Variants in TTC21B observed in about 807,000 individuals in gnomAD.
TTC21B encodes the protein tetratricopeptide repeat protein 21B.
A neutral mutation model predicts 175.1 loss-of-function variants in TTC21B; 127 were observed. That is an observed-to-expected ratio of 0.73 (90% CI 0.63 to 0.84). The LOEUF is 0.84. Among genes scored for constraint, TTC21B ranks in the 40% least tolerant of loss-of-function variants. The probability of loss-of-function intolerance (pLI) is 0.00; values close to 1 mark genes in which losing one functional copy is unlikely to be tolerated. For synonymous variants in TTC21B, 524 were observed against 524.5 expected (o/e 1.00, Z 0.01); for missense variants, 1,561 against 1,558.3 (o/e 1.00, Z -0.03).
At chr2:165,934,517 A>AAAAAAAAAAG (rs1553514802) in intron 6 of TTC21B, among the ~76,000 whole-genome samples, 16 of 116,578 alleles carry the variant, frequency 1.4e-4, no homozygotes, top group African/African-American at 4.8e-4. Flanking sequence ...AAAAAAAAAA[A>AAAAAAAAAAG]AAAAGAAAAG....
At chr2:165,928,246 T>C (rs1248852507) in intron 11 of TTC21B, among the ~76,000 whole-genome samples, 1 of 152,146 alleles carries the variant, frequency 6.6e-6, no homozygotes, top group Non-Finnish European at 1.5e-5. Context: ...AATTATGAGA[T>C]GAATCTGAAA....
chr2:165,943,446 T>G, intron 4 of TTC21B, 105 bp from the exon 5 acceptor site: 1 of 881,696 alleles, frequency 1.1e-6, no homozygotes, highest in Non-Finnish European at 1.8e-6. Flanking sequence ...CAAAAAGGAC[T>G]CTATCAAATA....
chr2:165,916,355 A>T (rs553465337), intron 14 of TTC21B, among the ~76,000 whole-genome samples: 1 of 152,356 alleles, frequency 6.6e-6, no homozygotes, highest in East Asian at 1.9e-4. Flanking sequence ...ATGAAAAATA[A>T]GTGATTAGCA....
intron 16 of TTC21B, among the ~76,000 whole-genome samples, chr2:165,913,188 C>T (rs1318620742): frequency 6.6e-6 from 1 of 151,872 alleles, no homozygotes; most frequent in Admixed American, 6.6e-5. Flanking sequence ...ACAGGCAGGG[C>T]TAATTTTTTG....
chr2:165,916,080 T>G (rs966116254), intron 14 of TTC21B, among the ~76,000 whole-genome samples: 4 of 152,150 alleles, frequency 2.6e-5, no homozygotes, highest in African/African-American at 9.7e-5. Context: ...CCCAGTAGTT[T>G]GAGACCATCC....
At chr2:165,949,274 A>T in intron 3 of TTC21B, 120 bp downstream of exon 3, 1 of 775,898 alleles carries the variant, frequency 1.3e-6, no homozygotes, top group Non-Finnish European at 2.2e-6. Context: ...ATATGTATAA[A>T]TTGTACCTAC....
At chr2:165,900,237 A>C (rs1236780658) in intron 20 of TTC21B, among the ~76,000 whole-genome samples, 1 of 152,130 alleles carries the variant, frequency 6.6e-6, no homozygotes, top group African/African-American at 2.4e-5. Context: ...GTAAAATAAA[A>C]AGCTTCAAGC....
rs1686794955 is a variant in TTC21B at position 165,929,274 on chromosome 2, A to G, written c.1247T>C (p.Ile416Thr). The change falls in exon 11 of 29, where the codon ATT becomes ACT. Residue 416 changes from isoleucine (I) to threonine (T), a missense_variant. Ile to Thr is a moderately conservative substitution (Grantham distance 89). Transcript: ENST00000243344. ...GTCCAGGACATCATTTAACAAATTA[A>G]TAACTTCTTCTTGTCGTTTATTTTT... ...MKKNKRQEEV[I>T]NLLNDVLDTH... The G allele has an allele frequency of 6.2e-7, 1 of 1,612,724 alleles. No individual in the cohort carries two copies. Among genetic ancestry groups the G allele is most frequent in the African/African-American group, 1.3e-5 (1 of 74,888 alleles).
At chr2:165,952,994 GA>G (rs1214655595) in intron 1 of TTC21B, among the ~76,000 whole-genome samples, 5 of 152,232 alleles carry the variant, frequency 3.3e-5, no homozygotes, top group Admixed American at 6.5e-5. Context: ...TGAGAAGGCA[GA>G]AACTGTTCAG....
At position 165,930,319 on chromosome 2, in the gene TTC21B, C is replaced by T. The variant is rs750750865; in HGVS notation, c.940G>A (p.Glu314Lys). 176 of 1,612,354 alleles carry T rather than the reference C, an allele frequency of 1.1e-4. No individual in the cohort carries two copies. The highest frequency in any genetic ancestry group is 1.5e-4 in the Non-Finnish European group (172 of 1,179,094). The change falls in exon 9 of 29, where the codon GAG becomes AAG. Residue 314 changes from glutamate (E) to lysine (K), a missense_variant. Physicochemically the swap from Glu to Lys is moderately conservative, Grantham distance 56 (BLOSUM62 1). Coordinates refer to ENST00000243344, the MANE Select transcript of TTC21B (RefSeq NM_024753.5). ...TGAGGGTTTAAACTAAAAGCTCTCT[C>T]AAGTAACGTTTGAATTTTTTGAAGA... Reference protein sequence around the residue: ...LILQKIQTLLERAFSLNPQQS... With the variant: ...LILQKIQTLLKRAFSLNPQQS...
intron 11 of TTC21B, among the ~76,000 whole-genome samples, chr2:165,926,666 G>A (rs1310792577): frequency 6.6e-6 from 1 of 152,016 alleles, no homozygotes; most frequent in Non-Finnish European, 1.5e-5. Context: ...GGAGATTAAC[G>A]TTTGAGTCAA....
intron 15 of TTC21B, 150 bp downstream of exon 15, chr2:165,915,051 T>G: frequency 1.5e-6 from 1 of 686,588 alleles, no homozygotes; most frequent in Admixed American, 2.3e-5. Flanking sequence ...TTAGAGTGAT[T>G]GCAGTTGGTG....
At chr2:165,943,453 A>T in intron 4 of TTC21B, 112 bp from the exon 5 acceptor site, 4 of 842,704 alleles carry the variant, frequency 4.7e-6, no homozygotes, top group Non-Finnish European at 7.5e-6. Context: ...GACTCTATCA[A>T]ATATGTTATG....
chr2:165,924,570 C>T lies in TTC21B; in HGVS notation c.1495G>A (p.Ala499Thr), dbSNP rs866222900. Residue 499 changes from alanine to threonine, a missense_variant, in exon 12 of 29, where the codon GCA (alanine) becomes ACA (threonine). Transcript: ENST00000243344. Reference protein sequence around the residue: ...PGLLQTVFLIAKVKYLSGDIE... With the variant: ...PGLLQTVFLITKVKYLSGDIE... Reference sequence around the variant, plus strand: ...CTACCTGACAAATATTTCACTTTTGCTATTAGGAAGACTGTTTGCAGAAGA... The same window carrying T: ...CTACCTGACAAATATTTCACTTTTGTTATTAGGAAGACTGTTTGCAGAAGA... 2.5e-6 allele frequency: 4 copies of T among 1,613,316 alleles called. No homozygotes were observed. The African/African-American group carries it at 5.3e-5, about 22-fold the overall frequency.
chr2:165,950,070 TAAAA>T (rs769740344), intron 1 of TTC21B, among the ~76,000 whole-genome samples: 1 of 128,918 alleles, frequency 7.8e-6, no homozygotes, highest in African/African-American at 3.0e-5. Context: ...AAACAGGAAC[TAAAA>T]AAAAAAAAAA....
intron 17 of TTC21B, among the ~76,000 whole-genome samples, chr2:165,912,256 A>G (rs1228401224): frequency 3.3e-5 from 5 of 152,224 alleles, no homozygotes; most frequent in African/African-American, 1.2e-4. Flanking sequence ...AAGAATAGCA[A>G]CTTTATGGTA....
Position 165,901,731 on chromosome 2 carries a change from T to C in TTC21B, c.2748A>G (p.Thr916=), listed in dbSNP as rs1353706754. Residue 916 remains threonine (T), a synonymous_variant, in exon 20 of 29, where the codon ACA becomes ACG. Transcript: ENST00000243344. ...TTATAAAGGTACTGACCTTATTATC[T>C]GTTTCGCAGTGAACCAGAGCCTCTC... ...FYREALVHCE[T]DNKIMLELAR... 1.9e-6 allele frequency: 3 copies of C among 1,613,796 alleles called. No homozygotes were observed. In the African/African-American group the frequency reaches 4.0e-5, roughly 22 times the overall value.
chr2:165,911,267 TATAAAA>T, intron 18 of TTC21B, 54 bp downstream of exon 18: 2 of 1,587,960 alleles, frequency 1.3e-6, no homozygotes, highest in Admixed American at 3.3e-5. Context: ...ATTTATGCAA[TATAAAA>T]ATAAAATGGA....
At chr2:165,877,674 T>C (rs943677061) in intron 27 of TTC21B, among the ~76,000 whole-genome samples, 1 of 152,180 alleles carries the variant, frequency 6.6e-6, no homozygotes, top group Non-Finnish European at 1.5e-5. Flanking sequence ...AAGCGACACA[T>C]GACTGCATAT....
Sources: allele counts gnomAD v4.1 joint callset (sites outside exome capture counted in the v4.1 genomes callset), GRCh38; gene constraint gnomAD v4.1.1; transcripts MANE v1.5; gene names NCBI Gene and HGNC (gene_info 2026-07-23, HGNC 2026-07-21).